Variants in ANAPC16 observed in about 807,000 individuals in gnomAD.
ANAPC16 encodes anaphase-promoting complex subunit 16.
A neutral mutation model predicts 13.1 loss-of-function variants in ANAPC16; 6 were observed. That is an observed-to-expected ratio of 0.46 (90% CI 0.25 to 0.90). The LOEUF (loss-of-function observed/expected upper bound fraction) is 0.90. ANAPC16 is among the 40% of genes least tolerant of loss of function. The pLI, the probability that ANAPC16 is intolerant of heterozygous loss-of-function variation, is 0.18. For missense variants in ANAPC16, 113 were observed against 131.1 expected (o/e 0.86, Z 0.67); for synonymous variants, 55 against 51.3 (o/e 1.07, Z -0.31).
Position 72,232,985 on chromosome 10 carries a change from C to A in ANAPC16, c.218-16C>A, listed in dbSNP as rs769339108. 1 of 1,606,350 alleles carries A rather than the reference C, an allele frequency of 6.2e-7. No homozygotes were observed. The highest frequency in any genetic ancestry group is 1.7e-5 in the Admixed American group (1 of 60,002). On this transcript the variant is annotated splice_polypyrimidine_tract_variant and intron_variant, in intron 3 of 3. Transcript: ENST00000299381. ...AATACGTTGTTGCATAATATTCTTTCCTTGACTCCTTACAGATCAGCAAGT... is the reference window on the plus strand; with the variant it reads ...AATACGTTGTTGCATAATATTCTTTACTTGACTCCTTACAGATCAGCAAGT...
chr10:72,224,019 T>G lies in ANAPC16; in HGVS notation c.105T>G (p.Leu35=). 1 of 1,611,778 alleles carries G rather than the reference T, an allele frequency of 6.2e-7. No homozygotes were observed. Among genetic ancestry groups the G allele is most frequent in the Non-Finnish European group, 8.5e-7 (1 of 1,178,130 alleles). ...ACCTTGCCCCACCACGGAAAGCCCTTTTCACCTACCCCAAAGGAGCTGGAG... is the reference window on the plus strand; with the variant it reads ...ACCTTGCCCCACCACGGAAAGCCCTGTTCACCTACCCCAAAGGAGCTGGAG... ...VSDLAPPRKA[L]FTYPKGAGEM... The change falls in exon 2 of 4, where the codon CTT becomes CTG. Residue 35 remains leucine, a synonymous_variant. Coordinates refer to ENST00000299381, the MANE Select transcript of ANAPC16 (RefSeq NM_173473.4).
At chr10:72,224,361 C>G (rs1860049233) in intron 2 of ANAPC16, among the ~76,000 whole-genome samples, 1 of 152,056 alleles carries the variant, frequency 6.6e-6, no homozygotes, top group Non-Finnish European at 1.5e-5. Flanking sequence ...TCCTGTTATC[C>G]CAGCACTTTG....
At position 72,227,858 on chromosome 10, in the gene ANAPC16, CCA is replaced by C. The variant is rs1225881790; in HGVS notation, c.143-2506_143-2505del. 3.4e-5 allele frequency among the ~76,000 whole-genome samples: 5 copies of C among 148,700 alleles called. No homozygotes were observed. The East Asian group carries it at 9.8e-4, about 29-fold the overall frequency. ...CCAGCCTGACCAATATGGTGAAACC[CCA>C]CCTCTACTAAAAATACAAAAAAAAA... On this transcript the variant is annotated intron_variant, in intron 2 of 3. Transcript: ENST00000299381.
intron 1 of ANAPC16, among the ~76,000 whole-genome samples, chr10:72,218,457 C>T (rs1218043538): frequency 6.6e-6 from 1 of 151,950 alleles, no homozygotes; most frequent in Non-Finnish European, 1.5e-5. Flanking sequence ...AACATACCAA[C>T]AAGCCATTGC....
intron 2 of ANAPC16, among the ~76,000 whole-genome samples, chr10:72,225,241 C>T (rs191223418): frequency 7.4e-4 from 112 of 152,176 alleles, no homozygotes; most frequent in African/African-American, 2.6e-3. Flanking sequence ...CAATATTGTG[C>T]CACTGCACTC....
In ANAPC16 at chr10:72,218,145, C is replaced by CAAAAAAAAAAAAAAAAAA. The variant is rs142932037; in HGVS notation, c.-28+2011_-28+2028dup. On this transcript the variant is annotated intron_variant, in intron 1 of 3. Transcript: ENST00000299381. ...GGGCAACAAGAGTGAAACTCTGTCT[C>CAAAAAAAAAAAAAAAAAA]AAAAAAAAAAAAAAAAAAAAATATA... Among the ~76,000 whole-genome samples the CAAAAAAAAAAAAAAAAAA allele has an allele frequency of 1.7e-4, 6 of 34,882 alleles. 2 individuals carry two copies. Among genetic ancestry groups the CAAAAAAAAAAAAAAAAAA allele is most frequent in the East Asian group, 2.8e-3 (2 of 702 alleles). 22.9% of individuals were successfully genotyped at this position (34,882 alleles called of 152,430 possible).
chr10:72,221,004 C>A (rs1454310986), intron 1 of ANAPC16, among the ~76,000 whole-genome samples: 1 of 152,152 alleles, frequency 6.6e-6, no homozygotes, highest in South Asian at 2.1e-4. Flanking sequence ...GCAACCTCCA[C>A]CTCCCGAGTT....
rs1262820693 is a variant in ANAPC16, at chr10:72,218,163, AAAATATATATATATATATATAT to A, written c.-28+2027_-28+2048del. Among the ~76,000 whole-genome samples, 288 of 34,204 alleles carry A rather than the reference AAAATATATATATATATATATAT, an allele frequency of 8.4e-3. 18 individuals are homozygous for A. Among genetic ancestry groups the A allele is most frequent in the Middle Eastern group, 0.021 (1 of 48 alleles). 22.4% of individuals were successfully genotyped at this position (34,204 alleles called of 152,430 possible). On this transcript the variant is annotated intron_variant, in intron 1 of 3. Coordinates refer to ENST00000299381, the MANE Select transcript of ANAPC16 (RefSeq NM_173473.4). The stretch of plus-strand genomic sequence containing the variant: ...TCTGTCTCAAAAAAAAAAAAAAAAA[AAAATATATATATATATATATAT>A]ATATATATATATATATATATATATA...
Position 72,235,026 on chromosome 10 carries a change from T to G in ANAPC16, c.*1910T>G, listed in dbSNP as rs1860430633. On this transcript the variant is annotated 3_prime_UTR_variant, in exon 4 of 4. Coordinates refer to ENST00000299381, the MANE Select transcript of ANAPC16 (RefSeq NM_173473.4). ...ATTAGCTCAGTGTGGTGGCACACAC[T>G]TGTAATCCCAGCTACTCAGGAGGCT... The G allele has an allele frequency of 6.6e-6, 1 of 152,050 alleles. No homozygotes were observed. The highest frequency in any genetic ancestry group is 2.4e-5 in the African/African-American group (1 of 41,314). The allele number at this position is 152,050 out of a possible 1,614,324, so 9.4% of individuals were successfully genotyped here. A position where few individuals can be genotyped will look rare whatever the true frequency, so the allele number is the denominator to read the frequency against.
At chr10:72,218,158 AAAAAAAAATATATATATATATATATAT>A (rs1341391930) in intron 1 of ANAPC16, among the ~76,000 whole-genome samples, 3 of 46,784 alleles carry the variant, frequency 6.4e-5, no homozygotes, top group African/African-American at 2.8e-4. Flanking sequence ...AAAAAAAAAA[AAAAAAAAATATATATATATATATATAT>A]ATATATATAT....
chr10:72,217,136 CTT>C (rs1372247087), intron 1 of ANAPC16: 1 of 441,962 alleles, frequency 2.3e-6, no homozygotes, highest in Non-Finnish European at 4.5e-6. Context: ...GGTAGAAAGA[CTT>C]TTCGAAGGTG....
chr10:72,221,514 C>T (rs1293349865), intron 1 of ANAPC16, among the ~76,000 whole-genome samples: 3 of 141,826 alleles, frequency 2.1e-5, no homozygotes, highest in African/African-American at 7.8e-5. Context: ...GCAGAAAGTT[C>T]TATTAGCATG....
In ANAPC16 at chr10:72,233,350, C is replaced by T; in HGVS notation, c.*234C>T. ...GTATTGGGAATCAGATTAAGACAAT[C>T]AGTTTCAGAGAACCAGGAGGTTTGG... On this transcript the variant is annotated 3_prime_UTR_variant, in exon 4 of 4. Transcript: ENST00000299381. 1 of 433,920 alleles carries T rather than the reference C, an allele frequency of 2.3e-6. No homozygotes were observed. The highest frequency in any genetic ancestry group is 4.2e-6 in the Non-Finnish European group (1 of 238,310). The allele number at this position is 433,920 out of a possible 1,614,324, so 26.9% of individuals were successfully genotyped here.
chr10:72,224,807 C>A (rs905303231), intron 2 of ANAPC16, among the ~76,000 whole-genome samples: 1 of 152,096 alleles, frequency 6.6e-6, no homozygotes, highest in African/African-American at 2.4e-5. Context: ...TAATACATTG[C>A]CCTTTTGTGT....
chr10:72,231,579 C>T (rs1453393700), intron 3 of ANAPC16, among the ~76,000 whole-genome samples: 1 of 152,026 alleles, frequency 6.6e-6, no homozygotes, highest in Non-Finnish European at 1.5e-5. Flanking sequence ...TTTTTTGAGA[C>T]GGAGTCTCTC....
In ANAPC16 at chr10:72,233,675, C is replaced by G. The variant is rs2133700492; in HGVS notation, c.*559C>G. 1 of 152,472 alleles carries G rather than the reference C, an allele frequency of 6.6e-6. No homozygotes were observed. The highest frequency in any genetic ancestry group is 1.5e-5 in the Non-Finnish European group (1 of 68,026). 9.4% of individuals were successfully genotyped at this position (152,472 alleles called of 1,614,324 possible). A position where few individuals can be genotyped will look rare whatever the true frequency, so the allele number is the denominator to read the frequency against. Reference sequence around the variant, plus strand: ...TTTTTCTAACCTCTTATAGACATGCCAAATGCTGGCAAAAAGAAGTGCTTT... The same window carrying G: ...TTTTTCTAACCTCTTATAGACATGCGAAATGCTGGCAAAAAGAAGTGCTTT... On this transcript the variant is annotated 3_prime_UTR_variant, in exon 4 of 4. Transcript: ENST00000299381.
At chr10:72,231,038 T>A (rs945397024) in intron 3 of ANAPC16, among the ~76,000 whole-genome samples, 1 of 152,196 alleles carries the variant, frequency 6.6e-6, no homozygotes, top group African/African-American at 2.4e-5. Flanking sequence ...TCCTGGTCTG[T>A]CTATACTCTA....
intron 3 of ANAPC16, among the ~76,000 whole-genome samples, chr10:72,231,503 C>A (rs1860302355): frequency 6.6e-6 from 1 of 152,054 alleles, no homozygotes; most frequent in Non-Finnish European, 1.5e-5. Flanking sequence ...AGAGTGAGAC[C>A]CTGTCTCTGG....
intron 2 of ANAPC16, among the ~76,000 whole-genome samples, chr10:72,229,850 T>A (rs934338273): frequency 6.6e-6 from 1 of 152,228 alleles, no homozygotes; most frequent in African/African-American, 2.4e-5. Flanking sequence ...CAGTTTGCGT[T>A]CACAGAATGA....
Sources: gnomAD v4.1 joint callset for allele counts (sites outside exome capture counted in the v4.1 genomes callset) on GRCh38, gnomAD v4.1.1 for gene constraint, MANE v1.5 for transcripts, NCBI Gene and HGNC (gene_info 2026-07-23, HGNC 2026-07-21) for gene names.